The following GTF2E2 variants were observed in gnomAD, a reference collection of about 807,000 sequenced individuals.
GTF2E2 encodes transcription initiation factor IIE subunit beta.
GTF2E2 carries 21 observed loss-of-function variants against 40.5 expected under a neutral mutation model. That is an observed-to-expected ratio of 0.52 (90% CI 0.37 to 0.75). The LOEUF (loss-of-function observed/expected upper bound fraction) is 0.75. Ranked by LOEUF, GTF2E2 falls within the 30% of genes least tolerant of loss-of-function variation. The pLI, the probability that GTF2E2 is intolerant of heterozygous loss-of-function variation, is 0.00. For missense variants in GTF2E2, 298 were observed against 338.4 expected, an observed-to-expected ratio of 0.88 and a Z score of 0.94; for synonymous variants, 117 against 121.6, an observed-to-expected ratio of 0.96 and a Z score of 0.25.
At chr8:30,605,960 CT>C (rs1449289596) in intron 6 of GTF2E2, among the ~76,000 whole-genome samples, 2 of 152,138 alleles carry the variant, frequency 1.3e-5, no homozygotes, top group Non-Finnish European at 2.9e-5. Context: ...CATGCCCAGC[CT>C]TAAATGTTTT....
chr8:30,619,239 C>T (rs1801013061), intron 3 of GTF2E2, among the ~76,000 whole-genome samples: 2 of 152,100 alleles, frequency 1.3e-5, no homozygotes, highest in South Asian at 2.1e-4. Flanking sequence ...CGTGCCCAGT[C>T]TACTTCAATA....
intron 3 of GTF2E2, among the ~76,000 whole-genome samples, chr8:30,616,861 A>G (rs2151132315): frequency 1.3e-5 from 2 of 152,296 alleles, no homozygotes; most frequent in South Asian, 2.1e-4. Flanking sequence ...ATGTTAAAAA[A>G]CATATGCACT....
rs532273499 is a variant in GTF2E2 at position 30,578,858 on chromosome 8, G to A, written c.*63C>T. The A allele has an allele frequency of 1.1e-5, 9 of 848,390 alleles. No individual in the cohort carries two copies. Among genetic ancestry groups the A allele is most frequent in the Middle Eastern group, 2.2e-4 (1 of 4,552 alleles). 52.6% of individuals were successfully genotyped at this position (848,390 alleles called of 1,614,324 possible). ...GATAGGAAGACAGTCTTCAGACCCC[G>A]AGCATCAGCAAGAACACTCTTGATT... On this transcript the variant is annotated 3_prime_UTR_variant, in exon 8 of 8. Coordinates refer to ENST00000355904, the MANE Select transcript of GTF2E2 (RefSeq NM_002095.6).
At chr8:30,595,923 G>A (rs1828990802) in intron 6 of GTF2E2, among the ~76,000 whole-genome samples, 1 of 152,192 alleles carries the variant, frequency 6.6e-6, no homozygotes, top group Non-Finnish European at 1.5e-5. Flanking sequence ...GCTGTGTACG[G>A]AATTCTGGGT....
At chr8:30,598,244 T>C (rs1262024392) in intron 6 of GTF2E2, among the ~76,000 whole-genome samples, 4 of 152,228 alleles carry the variant, frequency 2.6e-5, no homozygotes. Context: ...TTTCAGTTCC[T>C]TGAAAACAGA....
At chr8:30,605,834 A>C (rs548244493) in intron 6 of GTF2E2, among the ~76,000 whole-genome samples, 1 of 152,072 alleles carries the variant, frequency 6.6e-6, no homozygotes, top group South Asian at 2.1e-4. Context: ...CTAATTTTTC[A>C]GTTTTTAATA....
intron 3 of GTF2E2, among the ~76,000 whole-genome samples, chr8:30,634,731 G>A (rs895929902): frequency 1.4e-4 from 22 of 152,078 alleles, no homozygotes; most frequent in Admixed American, 2.6e-4. Flanking sequence ...TTGCCAGCCT[G>A]TATTCATTAA....
At chr8:30,633,198 T>C (rs1801492003) in intron 3 of GTF2E2, among the ~76,000 whole-genome samples, 1 of 152,166 alleles carries the variant, frequency 6.6e-6, no homozygotes. Context: ...TTTATTTACA[T>C]ATTATTGTGG....
chr8:30,634,375 G>C (rs1179637124), intron 3 of GTF2E2, among the ~76,000 whole-genome samples: 1 of 152,024 alleles, frequency 6.6e-6, no homozygotes, highest in Non-Finnish European at 1.5e-5. Context: ...TTGACCACAG[G>C]AGTTCAAGGC....
intron 6 of GTF2E2, among the ~76,000 whole-genome samples, chr8:30,583,287 C>T (rs6982165): frequency 0.81 from 123,082 of 152,210 alleles, 50,496 homozygotes; most frequent in African/African-American, 0.93. Context: ...TGAGCTGAGA[C>T]TGTGCCACTG....
rs1563489746 is a variant in GTF2E2 at position 30,616,504 on chromosome 8, G to GA, written c.259-1790dup. On this transcript the variant is annotated intron_variant, in intron 3 of 7. Transcript: ENST00000355904. ...TAGTGGCTGCCAAGGGTTGAGGGGAGAGGATGAACAAGCAGAGCCCTGAGA... is the reference window on the plus strand; with the variant it reads ...TAGTGGCTGCCAAGGGTTGAGGGGAGAAGGATGAACAAGCAGAGCCCTGAGA... Among the ~76,000 whole-genome samples the GA allele has an allele frequency of 1.3e-3, 200 of 151,682 alleles. 2 individuals are homozygous for GA. The highest frequency in any genetic ancestry group is 0.012 in the South Asian group (59 of 4,816).
chr8:30,620,237 C>A (rs201504795), intron 3 of GTF2E2, among the ~76,000 whole-genome samples: 1 of 38,082 alleles, frequency 2.6e-5, no homozygotes, highest in Non-Finnish European at 5.8e-5. Context: ...TACACACACA[C>A]AAACACACAC....
chr8:30,580,325 GCTTCAGATATT>G lies in GTF2E2; in HGVS notation c.704_714del (p.Glu235AlafsTer33). On this transcript the variant is annotated frameshift_variant, in exon 7 of 8. Coordinates refer to ENST00000355904, the MANE Select transcript of GTF2E2 (RefSeq NM_002095.6). LOFTEE classifies it high-confidence loss of function. ...TCCTGCATGGAAGAAATACCCTGTC[GCTTCAGATATT>G]CTTCAATTTTCTCCTCGTCCATGGA... 1 of 1,610,530 alleles carries G rather than the reference GCTTCAGATATT, an allele frequency of 6.2e-7. No individual in the cohort carries two copies. Among genetic ancestry groups the G allele is most frequent in the South Asian group, 1.1e-5 (1 of 91,014 alleles).
At chr8:30,599,205 C>A (rs1301385848) in intron 6 of GTF2E2, among the ~76,000 whole-genome samples, 2 of 152,196 alleles carry the variant, frequency 1.3e-5, no homozygotes, top group African/African-American at 4.8e-5. Flanking sequence ...TCTTTTGATC[C>A]AGCAATTCAA....
chr8:30,616,152 T>G (rs1800912761), intron 3 of GTF2E2, among the ~76,000 whole-genome samples: 1 of 152,148 alleles, frequency 6.6e-6, no homozygotes. Flanking sequence ...AAAAGTTTAG[T>G]GGCTGCAGGC....
intron 6 of GTF2E2, among the ~76,000 whole-genome samples, chr8:30,603,178 T>C (rs1344054833): frequency 6.6e-6 from 1 of 152,162 alleles, no homozygotes; most frequent in East Asian, 1.9e-4. Context: ...ATTTCTTGAA[T>C]AAACAGGCTT....
At chr8:30,629,612 C>A (rs1001165809) in intron 3 of GTF2E2, among the ~76,000 whole-genome samples, 1 of 151,250 alleles carries the variant, frequency 6.6e-6, no homozygotes, top group Admixed American at 6.6e-5. Context: ...TGGCGTGAAC[C>A]CAGGAGGTAG....
At chr8:30,611,238 T>G (rs1829466685) in intron 5 of GTF2E2, among the ~76,000 whole-genome samples, 1 of 152,134 alleles carries the variant, frequency 6.6e-6, no homozygotes, top group Non-Finnish European at 1.5e-5. Flanking sequence ...TTGGGAGGAA[T>G]GTAACAGAAT....
At chr8:30,613,067 A>G (rs1475563340) in intron 4 of GTF2E2, among the ~76,000 whole-genome samples, 1 of 152,208 alleles carries the variant, frequency 6.6e-6, no homozygotes, top group African/African-American at 2.4e-5. Context: ...TATCACAACT[A>G]CTTTGAAAAA....
Sources: gnomAD v4.1 joint callset for allele counts (sites outside exome capture counted in the v4.1 genomes callset) on GRCh38, gnomAD v4.1.1 for gene constraint, MANE v1.5 for transcripts, NCBI Gene and HGNC (gene_info 2026-07-23, HGNC 2026-07-21) for gene names.